Variants in PTN observed in about 807,000 individuals in gnomAD.
PTN encodes pleiotrophin, also known as heparin affin regulatory protein.
PTN carries 18 observed loss-of-function variants against 24.1 expected under a neutral mutation model. That is an observed-to-expected ratio of 0.75 (90% CI 0.52 to 1.11). The LOEUF (loss-of-function observed/expected upper bound fraction) is 1.11, where lower values mean the gene tolerates loss of function less well. Ranked by LOEUF, PTN falls within the 50% of genes least tolerant of loss-of-function variation. The pLI, the probability that PTN is intolerant of heterozygous loss-of-function variation, is 0.00. For synonymous variants in PTN, 78 were observed against 68.6 expected (o/e 1.14, Z -0.67); for missense variants, 163 against 198.8 (o/e 0.82, Z 1.08).
chr7:137,297,300 G>A (rs544272886), intron 1 of PTN, among the ~76,000 whole-genome samples: 13 of 152,118 alleles, frequency 8.5e-5, no homozygotes, highest in Admixed American at 3.3e-4. Context: ...CGTGGAGGTG[G>A]CGAAGCCACT....
intron 4 of PTN, among the ~76,000 whole-genome samples, chr7:137,248,728 C>G (rs139358294): frequency 4.5e-4 from 68 of 152,186 alleles, no homozygotes; most frequent in African/African-American, 1.4e-3. Context: ...CAGTGCCAAA[C>G]AGCATTTATA....
chr7:137,239,374 T>TTTTATTTATTTA (rs60204827), intron 4 of PTN, among the ~76,000 whole-genome samples: 1,885 of 147,802 alleles, frequency 0.013, 32 homozygotes, highest in African/African-American at 0.042. Flanking sequence ...TAATTTTCTT[T>TTTTATTTATTTA]TTTATTTATT....
intron 1 of PTN, among the ~76,000 whole-genome samples, chr7:137,339,182 G>A (rs908636696): frequency 2.6e-5 from 4 of 152,226 alleles, no homozygotes; most frequent in African/African-American, 9.6e-5. Flanking sequence ...TTCCAGAGAT[G>A]GGTGAGGGTA....
chr7:137,328,421 C>T (rs1475836761), intron 1 of PTN, among the ~76,000 whole-genome samples: 1 of 152,194 alleles, frequency 6.6e-6, no homozygotes, highest in Non-Finnish European at 1.5e-5. Flanking sequence ...AGCCTCTGTT[C>T]ATCTGTGTCC....
At chr7:137,294,333 G>A (rs142217724) in intron 1 of PTN, among the ~76,000 whole-genome samples, 3 of 152,196 alleles carry the variant, frequency 2.0e-5, no homozygotes, top group Admixed American at 6.6e-5. Flanking sequence ...CTTCCTCCAG[G>A]TGAACACAAG....
At chr7:137,252,836 G>A (rs1200358024) in intron 3 of PTN, among the ~76,000 whole-genome samples, 1 of 149,134 alleles carries the variant, frequency 6.7e-6, no homozygotes, top group African/African-American at 2.6e-5. Flanking sequence ...GATAGATCAG[G>A]CCAGCATAAG....
rs1361612983 is a variant in PTN at position 137,308,156 on chromosome 7, C to T, written c.-2+35283G>A. Among the ~76,000 whole-genome samples the T allele has an allele frequency of 2.0e-5, 3 of 152,172 alleles. No individual in the cohort carries two copies. In the East Asian group the frequency reaches 5.8e-4, roughly 29 times the overall value. On this transcript the variant is annotated intron_variant, in intron 1 of 4. Coordinates refer to ENST00000348225, the MANE Select transcript of PTN (RefSeq NM_002825.7). ...AGCCCAGAGAGAGGAAGAACTACTTCTCACTGAGCCAACTCATTGTTTATT... is the reference window on the plus strand; with the variant it reads ...AGCCCAGAGAGAGGAAGAACTACTTTTCACTGAGCCAACTCATTGTTTATT...
At chr7:137,297,834 A>G (rs1809742660) in intron 1 of PTN, among the ~76,000 whole-genome samples, 1 of 152,026 alleles carries the variant, frequency 6.6e-6, no homozygotes. Flanking sequence ...GGAGGTGCAA[A>G]TAGAAGATAT....
Position 137,282,155 on chromosome 7 carries a change from A to G in PTN, c.-1-27181T>C, listed in dbSNP as rs565355133. On this transcript the variant is annotated intron_variant, in intron 1 of 4. Coordinates refer to ENST00000348225, the MANE Select transcript of PTN (RefSeq NM_002825.7). ...TGAATAGAAAATATCAGTGATTACA[A>G]CATTCAGAAAGTCTGTATTTAATTT... Among the ~76,000 whole-genome samples, 16 of 152,360 alleles carry G rather than the reference A, an allele frequency of 1.1e-4. No homozygotes were observed. The South Asian group carries it at 1.9e-3, about 18-fold the overall frequency.
intron 4 of PTN, among the ~76,000 whole-genome samples, chr7:137,249,458 G>A (rs1352966134): frequency 6.6e-6 from 1 of 152,036 alleles, no homozygotes; most frequent in Non-Finnish European, 1.5e-5. Flanking sequence ...GCTATACTTG[G>A]GCACTGGGAG....
intron 1 of PTN, among the ~76,000 whole-genome samples, chr7:137,296,576 A>G (rs1809721290): frequency 1.3e-5 from 2 of 151,944 alleles, no homozygotes; most frequent in Non-Finnish European, 2.9e-5. Flanking sequence ...CTATTAAAAA[A>G]CTACTGATTA....
In PTN at chr7:137,327,718, A is replaced by C. The variant is rs142234467; in HGVS notation, c.-2+15721T>G. Among the ~76,000 whole-genome samples the C allele has an allele frequency of 3.9e-4, 59 of 152,244 alleles. 1 individual carries two copies. The highest frequency in any genetic ancestry group is 1.4e-3 in the African/African-American group (59 of 41,554). The stretch of plus-strand genomic sequence containing the variant: ...GAATGTCTTCCTTCTCTGAAAAAAA[A>C]CCACTAAACCACTCTTTTATCATTT... On this transcript the variant is annotated intron_variant, in intron 1 of 4. Coordinates refer to ENST00000348225, the MANE Select transcript of PTN (RefSeq NM_002825.7).
At chr7:137,339,568 C>CAAAAAAA (rs58934357) in intron 1 of PTN, among the ~76,000 whole-genome samples, 40,679 of 122,250 alleles carry the variant, frequency 0.33, 6,838 homozygotes, top group South Asian at 0.39. Flanking sequence ...GGTCTTGAAT[C>CAAAAAAA]AAAAAAAAAA....
rs533904506 is a variant in PTN, at chr7:137,304,605, T to C, written c.-2+38834A>G. Among the ~76,000 whole-genome samples, 3 of 151,932 alleles carry C rather than the reference T, an allele frequency of 2.0e-5. No homozygotes were observed. In the South Asian group the frequency reaches 6.2e-4, roughly 32 times the overall value. On this transcript the variant is annotated intron_variant, in intron 1 of 4. Transcript: ENST00000348225. ...AAAGAAATGGAGAGAAGTAAGGAAGTTCACGTGGAATGCAAGCTGCAAGTT... is the reference window on the plus strand; with the variant it reads ...AAAGAAATGGAGAGAAGTAAGGAAGCTCACGTGGAATGCAAGCTGCAAGTT...
At chr7:137,323,755 T>C (rs948241354) in intron 1 of PTN, among the ~76,000 whole-genome samples, 1 of 152,188 alleles carries the variant, frequency 6.6e-6, no homozygotes, top group Non-Finnish European at 1.5e-5. Flanking sequence ...AGAATCACCA[T>C]GAGGGCTCAT....
rs35959463 is a variant in PTN at position 137,228,579 on chromosome 7, G to A, written c.452-504C>T. On this transcript the variant is annotated intron_variant, in intron 4 of 4. Transcript: ENST00000348225. The stretch of plus-strand genomic sequence containing the variant: ...TTGCAAAGTGGTTCCACTCCAGGTC[G>A]GCCCTCTGCTTATATATTTGGCCAG... Among the ~76,000 whole-genome samples, 842 of 151,732 alleles carry A rather than the reference G, an allele frequency of 5.5e-3. 3 individuals carry two copies. Among genetic ancestry groups the A allele is most frequent in the Non-Finnish European group, 9.2e-3 (627 of 67,790 alleles).
chr7:137,331,755 C>G (rs529813419), intron 1 of PTN, among the ~76,000 whole-genome samples: 1 of 152,298 alleles, frequency 6.6e-6, no homozygotes, highest in South Asian at 2.1e-4. Flanking sequence ...TGGGACCAGG[C>G]AGCTGTGTCT....
chr7:137,333,264 C>A (rs551934112), intron 1 of PTN, among the ~76,000 whole-genome samples: 2 of 152,276 alleles, frequency 1.3e-5, no homozygotes, highest in South Asian at 4.1e-4. Context: ...ACTAGATGCC[C>A]AATCTGGAAA....
At chr7:137,234,393 A>C (rs2128867844) in intron 4 of PTN, among the ~76,000 whole-genome samples, 1 of 152,172 alleles carries the variant, frequency 6.6e-6, no homozygotes, top group African/African-American at 2.4e-5. Flanking sequence ...AACTCCAGAT[A>C]TGTGTCGGGA....
Sources: allele counts gnomAD v4.1 joint callset (sites outside exome capture counted in the v4.1 genomes callset), GRCh38; gene constraint gnomAD v4.1.1; transcripts MANE v1.5; gene names NCBI Gene and HGNC (gene_info 2026-07-23, HGNC 2026-07-21).